The following ITGA8 variants were observed in gnomAD, a reference collection of about 807,000 sequenced individuals.
The protein encoded by ITGA8 is integrin alpha-8.
A neutral mutation model predicts 142.3 loss-of-function variants in ITGA8; 91 were observed. The ratio of observed to expected loss-of-function variants is 0.64; its 90% confidence interval spans 0.54 to 0.76. ITGA8 has a LOEUF of 0.76. ITGA8 is among the 30% of genes least tolerant of loss of function. The pLI, the probability that ITGA8 is intolerant of heterozygous loss-of-function variation, is 0.00. For missense variants in ITGA8, 1,406 were observed against 1,327.7 expected, an observed-to-expected ratio of 1.06 and a Z score of -0.92; for synonymous variants, 505 against 485.2, an observed-to-expected ratio of 1.04 and a Z score of -0.54.
chr10:15,679,547 A>AT (rs1001854338), intron 4 of ITGA8, among the ~76,000 whole-genome samples: 7 of 152,276 alleles, frequency 4.6e-5, no homozygotes, highest in African/African-American at 1.4e-4. Flanking sequence ...ATGCCACTGC[A>AT]CTCCAGCCTG....
At chr10:15,569,861 A>C (rs913953949) in intron 25 of ITGA8, among the ~76,000 whole-genome samples, 1 of 152,238 alleles carries the variant, frequency 6.6e-6, no homozygotes, top group African/African-American at 2.4e-5. Flanking sequence ...AAGTCATATC[A>C]AGAAAAGATG....
chr10:15,631,566 A>T (rs1833686089), intron 13 of ITGA8, among the ~76,000 whole-genome samples: 1 of 151,798 alleles, frequency 6.6e-6, no homozygotes. Flanking sequence ...GGTCCTGTTG[A>T]GGGGTGGGAG....
At chr10:15,657,400 G>C (rs1359104540) in intron 10 of ITGA8, among the ~76,000 whole-genome samples, 3 of 151,746 alleles carry the variant, frequency 2.0e-5, no homozygotes, top group Middle Eastern at 3.2e-3. Flanking sequence ...GATATAAAAT[G>C]CTTCGCTGAA....
chr10:15,528,514 T>C (rs1833222455), intron 28 of ITGA8, among the ~76,000 whole-genome samples: 2 of 151,436 alleles, frequency 1.3e-5, no homozygotes, highest in Non-Finnish European at 2.9e-5. Flanking sequence ...GTCTTTTTTT[T>C]TTTTTTTTTT....
At chr10:15,628,644 A>C (rs1474674710) in intron 13 of ITGA8, among the ~76,000 whole-genome samples, 1 of 151,508 alleles carries the variant, frequency 6.6e-6, no homozygotes, top group Non-Finnish European at 1.5e-5. Context: ...ATTCACCTCT[A>C]CTTCTTGCAT....
rs775367526 is a variant in ITGA8, at chr10:15,575,517, ACCT to A, written c.2447_2449del (p.Glu816del). ...ATAAATATGTTCCACCAATGGTCCAACCTCCTCCTCTTTGTGGGGCTCCTCTTC... is the reference window on the plus strand; with the variant it reads ...ATAAATATGTTCCACCAATGGTCCAACCTCCTCTTTGTGGGGCTCCTCTTC... On this transcript the variant is annotated inframe_deletion, in exon 24 of 30. Transcript: ENST00000378076. 2.5e-6 allele frequency: 4 copies of A among 1,613,922 alleles called. No homozygotes were observed. Among genetic ancestry groups the A allele is most frequent in the Non-Finnish European group, 3.4e-6 (4 of 1,179,850 alleles).
chr10:15,676,549 C>CT (rs1220900491), intron 6 of ITGA8, among the ~76,000 whole-genome samples: 1 of 152,084 alleles, frequency 6.6e-6, no homozygotes, highest in African/African-American at 2.4e-5. Flanking sequence ...TCGATTAATG[C>CT]CTGTTATCAT....
Position 15,552,143 on chromosome 10 carries a change from C to CT in ITGA8, c.2767-3576dup, listed in dbSNP as rs57515081. On this transcript the variant is annotated intron_variant, in intron 26 of 29. Transcript: ENST00000378076. ...CATACTTGAACTTTGATTTTTCTTT[C>CT]TTTTTTTTTTTGAGACAGAGTCTCG... 3.1e-3 allele frequency among the ~76,000 whole-genome samples: 457 copies of CT among 146,888 alleles called. 1 individual carries two copies. The highest frequency in any genetic ancestry group is 9.3e-3 in the African/African-American group (376 of 40,228).
intron 13 of ITGA8, among the ~76,000 whole-genome samples, chr10:15,626,820 G>T (rs530340057): frequency 6.6e-6 from 1 of 152,128 alleles, no homozygotes; most frequent in Non-Finnish European, 1.5e-5. Flanking sequence ...CAAAGAGAGA[G>T]GCTTAGAGGA....
chr10:15,706,814 A>G (rs972369048), intron 2 of ITGA8, among the ~76,000 whole-genome samples: 1 of 152,100 alleles, frequency 6.6e-6, no homozygotes. Context: ...GCTACCCACC[A>G]CTCTTAGAAT....
At chr10:15,608,397 C>T in intron 15 of ITGA8, 107 bp from the exon 16 acceptor site, 2 of 616,552 alleles carry the variant, frequency 3.2e-6, no homozygotes, top group South Asian at 1.9e-5. Flanking sequence ...CTATATATTT[C>T]TAATTACACA....
Position 15,613,725 on chromosome 10 carries a change from G to T in ITGA8, c.1488C>A (p.His496Gln). The change falls in exon 15 of 30, where the codon CAC (histidine) becomes CAA (glutamine). Residue 496 changes from histidine (H) to glutamine (Q), a missense_variant. Physicochemically the swap from His to Gln is conservative, Grantham distance 24 (BLOSUM62 0). Transcript: ENST00000378076. ...VVTVDAQLLL[H>Q]PMIINLENKT... is the part of the protein sequence containing the mutation. ...TATTTTCAAGATTGATAATCATTGG[G>T]TGCAGCAGAAGCTGGGCATCTACAG... The T allele has an allele frequency of 6.2e-7, 1 of 1,614,158 alleles. No homozygotes were observed. Among genetic ancestry groups the T allele is most frequent in the Non-Finnish European group, 8.5e-7 (1 of 1,179,972 alleles).
intron 13 of ITGA8, among the ~76,000 whole-genome samples, chr10:15,631,076 G>C (rs1339178261): frequency 6.6e-6 from 1 of 151,912 alleles, no homozygotes; most frequent in Non-Finnish European, 1.5e-5. Context: ...TATTATGCTG[G>C]AGAGGATGTG....
chr10:15,570,526 C>T (rs182924102), intron 25 of ITGA8, among the ~76,000 whole-genome samples: 211 of 145,788 alleles, frequency 1.4e-3, no homozygotes, highest in African/African-American at 4.8e-3. Flanking sequence ...AGGAGAATTG[C>T]TTGAACACAG....
In ITGA8 at chr10:15,516,781, A is replaced by T. The variant is rs1832967891; in HGVS notation, c.*377T>A. ...TATAGTAAATCAGTCATTTCACCTTAGTTCACCTTGTAAATTCTATAGTGA... is the reference window on the plus strand; with the variant it reads ...TATAGTAAATCAGTCATTTCACCTTTGTTCACCTTGTAAATTCTATAGTGA... On this transcript the variant is annotated 3_prime_UTR_variant, in exon 30 of 30. Transcript: ENST00000378076. The T allele has an allele frequency of 6.1e-6, 1 of 164,080 alleles. No individual in the cohort carries two copies. Among genetic ancestry groups the T allele is most frequent in the Non-Finnish European group, 1.3e-5 (1 of 76,216 alleles). 10.2% of individuals were successfully genotyped at this position (164,080 alleles called of 1,614,324 possible). A position where few individuals can be genotyped will look rare whatever the true frequency, so the allele number is the denominator to read the frequency against.
intron 27 of ITGA8, among the ~76,000 whole-genome samples, chr10:15,535,335 G>A (rs545758700): frequency 2.0e-5 from 3 of 152,356 alleles, no homozygotes; most frequent in African/African-American, 7.2e-5. Context: ...CAGGGCACGG[G>A]ACTGGCAGGC....
intron 4 of ITGA8, among the ~76,000 whole-genome samples, chr10:15,683,234 G>A (rs887845538): frequency 2.0e-5 from 3 of 151,944 alleles, no homozygotes; most frequent in Non-Finnish European, 2.9e-5. Context: ...AAAACTGGAG[G>A]AGTTAATTAA....
Position 15,548,627 on chromosome 10 carries a change from G to A in ITGA8, c.2767-59C>T, listed in dbSNP as rs9333225. Reference sequence around the variant, plus strand: ...TAAATCATGGTAGAGACTGAACACTGAAGTTAGCTTATTTACATTTCATTT... The same window carrying A: ...TAAATCATGGTAGAGACTGAACACTAAAGTTAGCTTATTTACATTTCATTT... On this transcript the variant is annotated intron_variant, in intron 26 of 29. Transcript: ENST00000378076. 2,028 of 1,015,024 alleles carry A rather than the reference G, an allele frequency of 2.0e-3. 26 individuals carry two copies. In the African/African-American group the frequency reaches 0.031, roughly 16 times the overall value. The allele number at this position is 1,015,024 out of a possible 1,614,324, so 62.9% of individuals were successfully genotyped here. A position where few individuals can be genotyped will look rare whatever the true frequency, so the allele number is the denominator to read the frequency against.
At chr10:15,689,955 G>T (rs2131710611) in intron 2 of ITGA8, among the ~76,000 whole-genome samples, 1 of 152,278 alleles carries the variant, frequency 6.6e-6, no homozygotes, top group African/African-American at 2.4e-5. Flanking sequence ...GGAGGGCTGA[G>T]CTCCAGCACT....
Sources: gnomAD v4.1 joint callset for allele counts (sites outside exome capture counted in the v4.1 genomes callset) on GRCh38, gnomAD v4.1.1 for gene constraint, MANE v1.5 for transcripts, NCBI Gene and HGNC (gene_info 2026-07-23, HGNC 2026-07-21) for gene names.